Variants in RAI14 observed in about 807,000 individuals in gnomAD.
RAI14 encodes ankycorbin.
In RAI14, 45 loss-of-function variants were observed where a neutral mutation model predicts 115.4. The observed-to-expected ratio is 0.39, with a 90% CI of 0.31 to 0.50. RAI14 has a LOEUF of 0.50. Ranked by LOEUF, RAI14 falls within the 20% of genes least tolerant of loss-of-function variation. The pLI is 0.85. For missense variants in RAI14, 939 were observed against 1,131.2 expected (o/e 0.83, Z 2.44); for synonymous variants, 371 against 415.4 (o/e 0.89, Z 1.30).
chr5:34,821,900 G>A (rs1395096279), intron 14 of RAI14, 50 bp downstream of exon 14: 6 of 992,334 alleles, frequency 6.0e-6, no homozygotes, highest in Non-Finnish European at 3.1e-6. Context: ...TCAAGCTCTT[G>A]GTCTTTTCAG....
intron 4 of RAI14, among the ~76,000 whole-genome samples, chr5:34,800,923 C>T (rs1418933231): frequency 6.6e-6 from 1 of 152,180 alleles, no homozygotes; most frequent in Admixed American, 6.5e-5. Context: ...AGGATGTGTT[C>T]CAAACCTTCA....
intron 2 of RAI14, among the ~76,000 whole-genome samples, chr5:34,733,444 T>G (rs1744445948): frequency 6.6e-6 from 1 of 152,244 alleles, no homozygotes; most frequent in African/African-American, 2.4e-5. Flanking sequence ...TGAAAGGGTC[T>G]TTATTTCTCT....
In RAI14 at chr5:34,823,882, G is replaced by A. The variant is rs772269482; in HGVS notation, c.2040G>A (p.Glu680=). 2.5e-6 allele frequency: 4 copies of A among 1,614,188 alleles called. No homozygotes were observed. The highest frequency in any genetic ancestry group is 4.5e-5 in the East Asian group (2 of 44,884). ...DVTAEYIHKA[E]HEKLMQLTNV... ...CAGCTGAATATATCCATAAAGCAGA[G>A]CATGAGAAACTGATGCAATTGACAA... Residue 680 remains glutamate (E), a synonymous_variant, in exon 15 of 18, where the codon GAG becomes GAA. Transcript: ENST00000265109. The surrounding 1 kb of genome is among the most constrained non-coding windows in gnomAD (Gnocchi z 4.5).
intron 2 of RAI14, among the ~76,000 whole-genome samples, chr5:34,713,577 T>A (rs1037793340): frequency 2.0e-5 from 3 of 152,218 alleles, no homozygotes; most frequent in Admixed American, 6.5e-5. Flanking sequence ...TTAAACATTG[T>A]TTTATAAAGA....
At chr5:34,711,861 A>C (rs1336639822) in intron 2 of RAI14, among the ~76,000 whole-genome samples, 1 of 152,242 alleles carries the variant, frequency 6.6e-6, no homozygotes, top group Non-Finnish European at 1.5e-5. Context: ...AGGCCCTGTC[A>C]AAGCATCCTT....
intron 4 of RAI14, among the ~76,000 whole-genome samples, chr5:34,800,807 C>A (rs553108162): frequency 2.8e-4 from 43 of 152,206 alleles, no homozygotes; most frequent in Admixed American, 8.5e-4. Context: ...TTTGGAGAAC[C>A]AGGTCTTTTT....
intron 3 of RAI14, among the ~76,000 whole-genome samples, chr5:34,778,944 C>T (rs1197732061): frequency 1.3e-5 from 2 of 152,062 alleles, no homozygotes; most frequent in African/African-American, 4.8e-5. Context: ...AGACCAATAT[C>T]CCTGATGAAC....
chr5:34,818,600 T>G (rs1756508334), intron 12 of RAI14, among the ~76,000 whole-genome samples, 197 bp from the exon 13 acceptor site: 1 of 152,220 alleles, frequency 6.6e-6, no homozygotes, highest in African/African-American at 2.4e-5. Flanking sequence ...GTTTTAGAAA[T>G]TAAACTTAGT....
At chr5:34,754,294 T>C (rs1747584244) in intron 2 of RAI14, among the ~76,000 whole-genome samples, 1 of 152,140 alleles carries the variant, frequency 6.6e-6, no homozygotes, top group Non-Finnish European at 1.5e-5. Context: ...ACTAGACAAC[T>C]CTGCTATTTG....
intron 1 of RAI14, among the ~76,000 whole-genome samples, chr5:34,661,237 T>TTTCAGA (rs149951173): frequency 1.3e-5 from 2 of 151,934 alleles, no homozygotes; most frequent in Non-Finnish European, 2.9e-5. Context: ...CTTTGGAGCA[T>TTTCAGA]TTCAGATTCA....
rs336453 is a variant in RAI14, at chr5:34,782,324, C to T, written c.168-13615C>T. Among the ~76,000 whole-genome samples, 1,221 of 152,238 alleles carry T rather than the reference C, an allele frequency of 8.0e-3. 6 individuals are homozygous for T. Among genetic ancestry groups the T allele is most frequent in the African/African-American group, 0.021 (893 of 41,544 alleles). ...GATAAAAGCAAAGGCAGCATTATCACGGTGAGCTACTTCTCCCAGGAGTCA... is the reference window on the plus strand; with the variant it reads ...GATAAAAGCAAAGGCAGCATTATCATGGTGAGCTACTTCTCCCAGGAGTCA... On this transcript the variant is annotated intron_variant, in intron 3 of 17. Transcript: ENST00000265109.
chr5:34,720,311 G>T (rs1157405000), intron 2 of RAI14, among the ~76,000 whole-genome samples: 8 of 151,726 alleles, frequency 5.3e-5, no homozygotes, highest in African/African-American at 1.9e-4. Flanking sequence ...GAGGATGATG[G>T]GTTGTTTATC....
chr5:34,692,413 T>TACACAC (rs1327386849), intron 2 of RAI14, among the ~76,000 whole-genome samples: 1 of 151,122 alleles, frequency 6.6e-6, no homozygotes, highest in Non-Finnish European at 1.5e-5. Flanking sequence ...TACATGCACA[T>TACACAC]ACACACAATG....
At chr5:34,747,086 C>T (rs1272898221) in intron 2 of RAI14, among the ~76,000 whole-genome samples, 1 of 152,212 alleles carries the variant, frequency 6.6e-6, no homozygotes, top group Non-Finnish European at 1.5e-5. Context: ...TCTTCCCAGT[C>T]TCAGTTATGT....
intron 3 of RAI14, among the ~76,000 whole-genome samples, chr5:34,762,666 A>G (rs2150108208): frequency 6.6e-6 from 1 of 152,314 alleles, no homozygotes; most frequent in Middle Eastern, 3.4e-3. Context: ...GTGTTTATGG[A>G]GTCAGGCCTG....
chr5:34,807,583 T>C (rs112986330), intron 5 of RAI14, among the ~76,000 whole-genome samples: 35 of 152,000 alleles, frequency 2.3e-4, no homozygotes, highest in East Asian at 9.7e-4. Context: ...GAGGAACAGA[T>C]AGGTGAAGCA....
At chr5:34,745,614 C>A (rs2150057950) in intron 2 of RAI14, among the ~76,000 whole-genome samples, 1 of 152,326 alleles carries the variant, frequency 6.6e-6, no homozygotes, top group Non-Finnish European at 1.5e-5. Context: ...CACTCTCTGT[C>A]TTTTCAGTCT....
chr5:34,748,750 T>C (rs1462130591), intron 2 of RAI14, among the ~76,000 whole-genome samples: 1 of 151,032 alleles, frequency 6.6e-6, no homozygotes, highest in African/African-American at 2.4e-5. Flanking sequence ...TCCCTTGAGC[T>C]CAGGAGTTCA....
chr5:34,673,248 T>C (rs2149858630), intron 1 of RAI14, among the ~76,000 whole-genome samples: 1 of 152,290 alleles, frequency 6.6e-6, no homozygotes, highest in African/African-American at 2.4e-5. Context: ...CAAGGTCTCC[T>C]TCAGTGACTG....
Sources: gnomAD v4.1 joint callset for allele counts (sites outside exome capture counted in the v4.1 genomes callset) on GRCh38, gnomAD v4.1.1 for gene constraint, Gnocchi (gnomAD v3.1) non-coding constraint, MANE v1.5 for transcripts, NCBI Gene and HGNC (gene_info 2026-07-23, HGNC 2026-07-21) for gene names.